Variants in CENPL observed in about 807,000 individuals in gnomAD.
CENPL encodes interphase centromere complex protein 33.
Under a neutral mutation model 35.2 loss-of-function variants are expected in CENPL, and 20 were observed. The ratio of observed to expected loss-of-function variants is 0.57; its 90% CI spans 0.40 to 0.83. The LOEUF (loss-of-function observed/expected upper bound fraction) is 0.83, where lower values mean the gene tolerates loss of function less well. Among genes scored for constraint, CENPL ranks in the 40% least tolerant of loss-of-function variants. The pLI, the probability that CENPL is intolerant of heterozygous loss-of-function variation, is 0.00. For missense variants in CENPL, 363 were observed against 395.8 expected, an observed-to-expected ratio of 0.92 and a Z score of 0.70; for synonymous variants, 140 against 140.6, an observed-to-expected ratio of 1.00 and a Z score of 0.03.
chr1:173,800,469 C>A lies in CENPL; in HGVS notation c.1014G>T (p.Leu338=). 1 of 1,477,336 alleles carries A rather than the reference C, an allele frequency of 6.8e-7. No individual in the cohort carries two copies. The highest frequency in any genetic ancestry group is 1.1e-5 in the South Asian group (1 of 87,298). The allele number at this position is 1,477,336 out of a possible 1,614,324, so 91.5% of individuals were successfully genotyped here. ...GGCTTCACTCAATTTGAAAAATTGC[C>A]AGTTCTGTCAAATATGCTAACACTC... The part of the protein sequence containing the change: ...LIGVLAYLTE[L]AIFQIE The change falls in exon 6 of 6, where the codon CTG becomes CTT. Residue 338 remains leucine (L), a synonymous_variant. Transcript: ENST00000682279.
intron 1 of CENPL, 58 bp downstream of exon 1, chr1:173,824,154 T>C (rs201553829): frequency 1.1e-3 from 172 of 152,164 alleles, no homozygotes; most frequent in African/African-American, 4.0e-3. Context: ...AGACCTCCGC[T>C]CCCTCAGACG....
At chr1:173,824,108 C>A (rs925237797) in intron 1 of CENPL, 89 bp from the exon 2 acceptor site, 1 of 152,180 alleles carries the variant, frequency 6.6e-6, no homozygotes, top group African/African-American at 2.4e-5. Flanking sequence ...TCTCGCTCCA[C>A]AAGTGGGTTC....
At chr1:173,819,590 C>T (rs1651745556) in intron 2 of CENPL, among the ~76,000 whole-genome samples, 1 of 144,990 alleles carries the variant, frequency 6.9e-6, no homozygotes, top group Admixed American at 6.6e-5. Context: ...GACTCCATCT[C>T]AACAACAACA....
intron 2 of CENPL, chr1:173,821,750 G>C (rs1342721883): frequency 1.3e-5 from 2 of 149,884 alleles, no homozygotes; most frequent in African/African-American, 4.9e-5. Flanking sequence ...CGGAAGCAAA[G>C]AGGTCCTCTT....
intron 2 of CENPL, among the ~76,000 whole-genome samples, chr1:173,818,614 T>C (rs1651641462): frequency 6.6e-6 from 1 of 152,216 alleles, no homozygotes; most frequent in African/African-American, 2.4e-5. Flanking sequence ...AAGCAGAGTA[T>C]GCATGTGTGT....
chr1:173,819,679 T>C (rs999534625), intron 2 of CENPL, among the ~76,000 whole-genome samples: 1 of 152,216 alleles, frequency 6.6e-6, no homozygotes. Context: ...TATTACTATA[T>C]TTACTTATTT....
chr1:173,811,186 A>AC lies in CENPL; in HGVS notation c.113dup (p.Ser38ArgfsTer23). The stretch of plus-strand genomic sequence containing the variant: ...TTCGAGGTGGAGTCAGGATAAATGA[A>AC]CTCTGCTTCCTGACCGATTCTAATC... On this transcript the variant is annotated frameshift_variant, in exon 3 of 6. Coordinates refer to ENST00000682279, the MANE Select transcript of CENPL (RefSeq NM_001387287.1). LOFTEE classifies it high-confidence loss of function. 1 of 1,613,964 alleles carries AC rather than the reference A, an allele frequency of 6.2e-7. No homozygotes were observed. The highest frequency in any genetic ancestry group is 8.5e-7 in the Non-Finnish European group (1 of 1,179,896).
chr1:173,811,023 G>A, intron 3 of CENPL, 109 bp downstream of exon 3: 3 of 884,270 alleles, frequency 3.4e-6, no homozygotes, highest in Non-Finnish European at 5.2e-6. Context: ...TATTTTATTA[G>A]CTGAGGGGTT....
intron 2 of CENPL, among the ~76,000 whole-genome samples, chr1:173,814,854 AG>A (rs1651198965): frequency 6.6e-6 from 1 of 152,234 alleles, no homozygotes; most frequent in African/African-American, 2.4e-5. Flanking sequence ...TGAAGGAGAT[AG>A]AAACACAAAA....
chr1:173,811,318 G>T lies in CENPL; in HGVS notation c.-7-12C>A. ...AATCCATGGTCTGTCTGCATAAGAAGAAACAAAACCAGAATTCTAAGCACT... is the reference window on the plus strand; with the variant it reads ...AATCCATGGTCTGTCTGCATAAGAATAAACAAAACCAGAATTCTAAGCACT... On this transcript the variant is annotated splice_polypyrimidine_tract_variant and intron_variant, in intron 2 of 5. Coordinates refer to ENST00000682279, the MANE Select transcript of CENPL (RefSeq NM_001387287.1). 2 of 1,561,796 alleles carry T rather than the reference G, an allele frequency of 1.3e-6. No individual in the cohort carries two copies. Among genetic ancestry groups the T allele is most frequent in the African/African-American group, 1.4e-5 (1 of 73,448 alleles).
At chr1:173,813,352 C>A (rs981062891) in intron 2 of CENPL, among the ~76,000 whole-genome samples, 4 of 152,144 alleles carry the variant, frequency 2.6e-5, no homozygotes, top group Non-Finnish European at 5.9e-5. Context: ...TCAAGAAGAG[C>A]AACCCCAAGA....
chr1:173,811,736 C>A (rs1650844397), intron 2 of CENPL, among the ~76,000 whole-genome samples: 1 of 152,202 alleles, frequency 6.6e-6, no homozygotes, highest in South Asian at 2.1e-4. Context: ...GTCTGCAGCT[C>A]CCAGCATGAT....
At chr1:173,802,882 T>C (rs979038486) in intron 5 of CENPL, 81 bp downstream of exon 5, 11 of 905,364 alleles carry the variant, frequency 1.2e-5, no homozygotes, top group Middle Eastern at 3.4e-4. Flanking sequence ...GTTTCTTCAA[T>C]TGAGTGGACA....
chr1:173,817,640 C>G (rs910676420), intron 2 of CENPL, among the ~76,000 whole-genome samples: 1 of 152,106 alleles, frequency 6.6e-6, no homozygotes, highest in Non-Finnish European at 1.5e-5. Flanking sequence ...TTTGACCCAG[C>G]GATCCCGTTA....
chr1:173,804,020 G>A (rs1442855470), intron 4 of CENPL, among the ~76,000 whole-genome samples: 1 of 152,082 alleles, frequency 6.6e-6, no homozygotes, highest in Non-Finnish European at 1.5e-5. Flanking sequence ...AAATCTTGGT[G>A]TAACCAAACT....
At chr1:173,817,188 A>C (rs1282203589) in intron 2 of CENPL, among the ~76,000 whole-genome samples, 1 of 152,200 alleles carries the variant, frequency 6.6e-6, no homozygotes. Context: ...TCTGCACAGC[A>C]AAAGAAACTA....
rs1292231491 is a variant in CENPL at position 173,806,675 on chromosome 1, GATTT to G, written c.420+588_420+591del. 4.0e-5 allele frequency: 7 copies of G among 174,404 alleles called. No homozygotes were observed. In the South Asian group the frequency reaches 6.6e-4, roughly 16 times the overall value. The allele number at this position is 174,404 out of a possible 1,614,324, so 10.8% of individuals were successfully genotyped here. A position where few individuals can be genotyped will look rare whatever the true frequency, so the allele number is the denominator to read the frequency against. On this transcript the variant is annotated intron_variant, in intron 4 of 5. Coordinates refer to ENST00000682279, the MANE Select transcript of CENPL (RefSeq NM_001387287.1). ...GCAACAGAACTATCTTAAGAAACCA[GATTT>G]ATTTATTTATTTATTGTATTTTTTG...
At position 173,811,424 on chromosome 1, in the gene CENPL, A is replaced by G. The variant is rs1571962244; in HGVS notation, c.-7-118T>C. 9 of 693,972 alleles carry G rather than the reference A, an allele frequency of 1.3e-5. No homozygotes were observed. In the East Asian group the frequency reaches 2.4e-4, roughly 19 times the overall value. 43.0% of individuals were successfully genotyped at this position (693,972 alleles called of 1,614,324 possible). A position where few individuals can be genotyped will look rare whatever the true frequency, so the allele number is the denominator to read the frequency against. ...TCTCTTTCTGTCTTTTCCCCTCCCT[A>G]TCCCCAGTTTTGACTTTTAAACCAA... On this transcript the variant is annotated intron_variant, in intron 2 of 5. Transcript: ENST00000682279.
At chr1:173,815,196 A>G (rs542305476) in intron 2 of CENPL, among the ~76,000 whole-genome samples, 2 of 152,348 alleles carry the variant, frequency 1.3e-5, no homozygotes, top group South Asian at 2.1e-4. Context: ...AATAATTAAT[A>G]GCCTACCAAC....
Sources: gnomAD v4.1 joint callset for allele counts (sites outside exome capture counted in the v4.1 genomes callset) on GRCh38, gnomAD v4.1.1 for gene constraint, MANE v1.5 for transcripts, NCBI Gene and HGNC (gene_info 2026-07-23, HGNC 2026-07-21) for gene names.